RIMS1: variants seen among roughly 807,000 people sequenced by gnomAD.
RIMS1 encodes regulating synaptic membrane exocytosis protein 1.
Under a neutral mutation model 214.1 loss-of-function variants are expected in RIMS1, and 83 were observed. That is an observed-to-expected ratio of 0.39 (90% CI 0.32 to 0.47). The LOEUF (loss-of-function observed/expected upper bound fraction) is 0.47, where lower values mean the gene tolerates loss of function less well. Ranked by LOEUF, RIMS1 falls within the 20% of genes least tolerant of loss-of-function variation. The pLI, the probability that RIMS1 is intolerant of heterozygous loss-of-function variation, is 0.99. For missense variants in RIMS1, 2,050 were observed against 2,161.8 expected (o/e 0.95, Z 1.03); for synonymous variants, 793 against 786.8 (o/e 1.01, Z -0.13).
At position 72,221,287 on chromosome 6, in the gene RIMS1, G is replaced by GGTGA. The variant is rs2058321140; in HGVS notation, c.1679-12482_1679-12479dup. ...GATTATGGTAGGCCCAAAGATCTGG[G>GGTGA]GTGAGTGTGTGTGTGTGTGTGTGTG... On this transcript the variant is annotated intron_variant, in intron 6 of 33. Coordinates refer to ENST00000521978, the MANE Select transcript of RIMS1 (RefSeq NM_014989.7). Among the ~76,000 whole-genome samples the GGTGA allele has an allele frequency of 4.2e-5, 6 of 141,768 alleles. No homozygotes were observed. The East Asian group carries it at 7.9e-4, about 19-fold the overall frequency. The allele number at this position is 141,768 out of a possible 152,430, so 93.0% of individuals were successfully genotyped here. A position where few individuals can be genotyped will look rare whatever the true frequency, so the allele number is the denominator to read the frequency against.
At chr6:71,932,151 C>T (rs548769440) in intron 1 of RIMS1, among the ~76,000 whole-genome samples, 1 of 152,160 alleles carries the variant, frequency 6.6e-6, no homozygotes, top group Non-Finnish European at 1.5e-5. Context: ...GAATATAAAT[C>T]ATACTATTAT....
At chr6:72,329,184 A>T (rs1293005609) in intron 28 of RIMS1, among the ~76,000 whole-genome samples, 4 of 151,892 alleles carry the variant, frequency 2.6e-5, no homozygotes, top group African/African-American at 9.7e-5. Context: ...CTGCTTGGAC[A>T]ACACAGCTAA....
At chr6:72,307,628 T>TC (rs1317612647) in intron 27 of RIMS1, among the ~76,000 whole-genome samples, 3 of 151,580 alleles carry the variant, frequency 2.0e-5, no homozygotes, top group African/African-American at 7.3e-5. Flanking sequence ...GCGCCTGTAA[T>TC]CCCAGCTACT....
rs1306888774 is a variant in RIMS1 at position 72,096,993 on chromosome 6, A to G, written c.290A>G (p.Lys97Arg). 1 of 1,613,924 alleles carries G rather than the reference A, an allele frequency of 6.2e-7. No homozygotes were observed. Among genetic ancestry groups the G allele is most frequent in the South Asian group, 1.1e-5 (1 of 91,072 alleles). ...QFESYKEQVR[K>R]IGEEARRYQG... ...GAAAGCTATAAGGAACAAGTGAGAAAAATAGGGGAAGAAGCGCGGCGTTAC... is the reference window on the plus strand; with the variant it reads ...GAAAGCTATAAGGAACAAGTGAGAAGAATAGGGGAAGAAGCGCGGCGTTAC... Residue 97 changes from lysine (K) to arginine (R), a missense_variant, in exon 3 of 34, where the codon AAA becomes AGA. This residue lies in a region of RIMS1 where 882 missense variants were observed against 828.9 expected (regional missense o/e 1.06). Transcript: ENST00000521978.
In RIMS1 at chr6:72,159,308, A is replaced by G. The variant is rs868621802; in HGVS notation, c.472-20267A>G. Among the ~76,000 whole-genome samples, 2 of 140,384 alleles carry G rather than the reference A, an allele frequency of 1.4e-5. 1 individual carries two copies. The highest frequency in any genetic ancestry group is 4.7e-4 in the South Asian group (2 of 4,234). 92.1% of individuals were successfully genotyped at this position (140,384 alleles called of 152,430 possible). On this transcript the variant is annotated intron_variant, in intron 4 of 33. Coordinates refer to ENST00000521978, the MANE Select transcript of RIMS1 (RefSeq NM_014989.7). The stretch of plus-strand genomic sequence containing the variant: ...TCTGGATATTAGCCCTTTGTCAGAT[A>G]AGTAGATTGCAAAAATTTTCTCCCA...
At chr6:72,066,998 A>C (rs567274994) in intron 2 of RIMS1, among the ~76,000 whole-genome samples, 1 of 152,218 alleles carries the variant, frequency 6.6e-6, no homozygotes, top group African/African-American at 2.4e-5. Context: ...CTCCCTTGCT[A>C]TCACCCTAGA....
chr6:72,390,760 A>T (rs145288166), intron 30 of RIMS1, 24 bp downstream of exon 30: 1 of 1,611,706 alleles, frequency 6.2e-7, no homozygotes, highest in Non-Finnish European at 8.5e-7. Context: ...GCACGTCTGC[A>T]TGGCTGTGGA....
At chr6:71,986,617 G>A (rs750458972) in intron 2 of RIMS1, among the ~76,000 whole-genome samples, 1 of 152,226 alleles carries the variant, frequency 6.6e-6, no homozygotes, top group African/African-American at 2.4e-5. Flanking sequence ...TTTGGGCAAT[G>A]GAGTTGATGG....
intron 1 of RIMS1, among the ~76,000 whole-genome samples, chr6:71,965,477 G>A (rs773240191): frequency 9.9e-5 from 15 of 152,198 alleles, no homozygotes; most frequent in African/African-American, 3.6e-4. Flanking sequence ...CCTTGCCATA[G>A]CTTCATCTGC....
chr6:72,250,160 A>G (rs944316911), intron 12 of RIMS1, among the ~76,000 whole-genome samples, 170 bp from the exon 13 acceptor site: 1 of 152,214 alleles, frequency 6.6e-6, no homozygotes, highest in Non-Finnish European at 1.5e-5. Context: ...AGAGAAAAGT[A>G]AAGTTCTGTG....
intron 4 of RIMS1, among the ~76,000 whole-genome samples, chr6:72,104,310 A>G (rs2034276717): frequency 6.6e-6 from 1 of 152,140 alleles, no homozygotes; most frequent in South Asian, 2.1e-4. Flanking sequence ...TTAAAAGGCT[A>G]TTCTTTCATG....
chr6:72,148,984 C>T (rs1186410702), intron 4 of RIMS1, among the ~76,000 whole-genome samples: 1 of 151,662 alleles, frequency 6.6e-6, no homozygotes, highest in African/African-American at 2.4e-5. Context: ...AGTAAGATGC[C>T]TCCCCAAAGG....
intron 2 of RIMS1, among the ~76,000 whole-genome samples, chr6:72,024,186 T>A (rs1815624245): frequency 6.6e-6 from 1 of 152,172 alleles, no homozygotes; most frequent in African/African-American, 2.4e-5. Context: ...ACTGGTTTTT[T>A]ATTTTATTTT....
At chr6:72,168,837 C>T (rs1323138967) in intron 4 of RIMS1, among the ~76,000 whole-genome samples, 6 of 150,220 alleles carry the variant, frequency 4.0e-5, no homozygotes, top group African/African-American at 1.5e-4. Context: ...ACTTGATAGT[C>T]GCCTGACATT....
intron 2 of RIMS1, among the ~76,000 whole-genome samples, chr6:72,057,345 T>C (rs145004809): frequency 6.6e-6 from 1 of 152,234 alleles, no homozygotes; most frequent in East Asian, 1.9e-4. Context: ...CTGTGGCATA[T>C]ATTATCTAAC....
At chr6:72,201,948 G>A (rs904211707) in intron 6 of RIMS1, among the ~76,000 whole-genome samples, 4 of 152,176 alleles carry the variant, frequency 2.6e-5, no homozygotes, top group African/African-American at 9.7e-5. Context: ...GTCAACTACT[G>A]TATTGGAAAT....
At chr6:72,311,009 T>C (rs2095483504) in intron 27 of RIMS1, among the ~76,000 whole-genome samples, 1 of 152,158 alleles carries the variant, frequency 6.6e-6, no homozygotes, top group African/African-American at 2.4e-5. Context: ...AAAGCCATCT[T>C]TTGGCTTATT....
At position 72,400,688 on chromosome 6, in the gene RIMS1, A is replaced by C; in HGVS notation, c.5053A>C (p.Thr1685Pro). 1 of 1,613,578 alleles carries C rather than the reference A, an allele frequency of 6.2e-7. No individual in the cohort carries two copies. Among genetic ancestry groups the C allele is most frequent in the Non-Finnish European group, 8.5e-7 (1 of 1,179,636 alleles). Reference protein sequence around the residue: ...RASQSSLESSTGPPCIRS With the variant: ...RASQSSLESSPGPPCIRS ...TTCCCAGTCATCTCTGGAAAGTTCA[A>C]CTGGGCCTCCCTGTATTCGATCATA... Residue 1685 changes from threonine (T) to proline (P), a missense_variant, in exon 34 of 34, where the codon ACT becomes CCT. Physicochemically the swap from Thr to Pro is conservative, Grantham distance 38. Coordinates refer to ENST00000521978, the MANE Select transcript of RIMS1 (RefSeq NM_014989.7).
chr6:71,993,424 A>G (rs1802482298), intron 2 of RIMS1, among the ~76,000 whole-genome samples: 1 of 152,246 alleles, frequency 6.6e-6, no homozygotes, highest in South Asian at 2.1e-4. Flanking sequence ...AAGCAGAAAC[A>G]TAAACAGGAA....
Sources: allele counts gnomAD v4.1 joint callset (sites outside exome capture counted in the v4.1 genomes callset), GRCh38; gene constraint gnomAD v4.1.1; regional missense constraint gnomAD v4.1.1; transcripts MANE v1.5; gene names NCBI Gene and HGNC (gene_info 2026-07-23, HGNC 2026-07-21).